Variants in PLCB4 observed in about 807,000 individuals in gnomAD.
PLCB4 encodes the protein phospholipase C beta 4.
In PLCB4, 77 loss-of-function variants were observed where a neutral mutation model predicts 178.8. The observed-to-expected ratio is 0.43, with a 90% confidence interval of 0.36 to 0.52. The LOEUF (loss-of-function observed/expected upper bound fraction) is 0.52, where lower values mean the gene tolerates loss of function less well. Among genes scored for constraint, PLCB4 ranks in the 20% least tolerant of loss-of-function variants. The pLI, the probability that PLCB4 is intolerant of heterozygous loss-of-function variation, is 0.00. For missense variants in PLCB4, 1,024 were observed against 1,453.4 expected (o/e 0.70, Z 4.80); for synonymous variants, 496 against 490.8 (o/e 1.01, Z -0.14).
At chr20:9,260,920 C>G (rs912922633) in intron 3 of PLCB4, among the ~76,000 whole-genome samples, 1 of 152,046 alleles carries the variant, frequency 6.6e-6, no homozygotes, top group Non-Finnish European at 1.5e-5. Context: ...AATATGTTTA[C>G]AAATGAAAAA....
chr20:9,442,975 C>T (rs915235144), intron 30 of PLCB4, among the ~76,000 whole-genome samples: 7 of 152,144 alleles, frequency 4.6e-5, no homozygotes, highest in Non-Finnish European at 7.4e-5. Flanking sequence ...TAATGGAAAT[C>T]AATTACAGCA....
intron 3 of PLCB4, among the ~76,000 whole-genome samples, chr20:9,252,474 T>C (rs1180064318): frequency 4.6e-5 from 7 of 151,942 alleles, no homozygotes; most frequent in Non-Finnish European, 8.8e-5. Context: ...CTTTAGAAAA[T>C]ACTGTTGCCT....
Position 9,395,582 on chromosome 20 carries a change from A to G in PLCB4, c.1474A>G (p.Ile492Val). 6 of 1,613,398 alleles carry G rather than the reference A, an allele frequency of 3.7e-6. No homozygotes were observed. The highest frequency in any genetic ancestry group is 5.1e-6 in the Non-Finnish European group (6 of 1,179,410). The change falls in exon 19 of 40, where the codon ATC (isoleucine) becomes GTC (valine). Residue 492 changes from isoleucine (I) to valine (V), a missense_variant. Physicochemically the swap from Ile to Val is conservative, Grantham distance 29. Coordinates refer to ENST00000378473, the MANE Select transcript of PLCB4 (RefSeq NM_001377142.1). ...TGGAGAATCTGCCTCCCCAGCAAAC[A>G]TCTTAGAGGACGATAATGAAGAGGA... is the stretch of plus-strand genomic sequence containing the variant. ...EAGESASPAN[I>V]LEDDNEEEIE...
chr20:9,412,322 G>A (rs1027342954), intron 25 of PLCB4, among the ~76,000 whole-genome samples: 2 of 152,138 alleles, frequency 1.3e-5, no homozygotes, highest in African/African-American at 4.8e-5. Context: ...TGGACTGTCA[G>A]TAAAAGCCCT....
At chr20:9,177,769 G>A (rs979704824) in intron 2 of PLCB4, among the ~76,000 whole-genome samples, 2 of 152,160 alleles carry the variant, frequency 1.3e-5, no homozygotes, top group African/African-American at 4.8e-5. Flanking sequence ...ACATGCAAGG[G>A]CTCAGCGATT....
chr20:9,175,461 A>G (rs974669046), intron 2 of PLCB4, among the ~76,000 whole-genome samples: 14 of 152,190 alleles, frequency 9.2e-5, no homozygotes, highest in African/African-American at 3.4e-4. Flanking sequence ...TTATTTCACC[A>G]TGGAAAGAAT....
At chr20:9,362,015 T>C (rs1190899246) in intron 7 of PLCB4, among the ~76,000 whole-genome samples, 1 of 152,222 alleles carries the variant, frequency 6.6e-6, no homozygotes, top group East Asian at 1.9e-4. Context: ...ATATTTTTCC[T>C]TCCTCAGCAC....
chr20:9,325,874 A>G (rs6056545), intron 4 of PLCB4, among the ~76,000 whole-genome samples: 2,535 of 152,240 alleles, frequency 0.017, 69 homozygotes, highest in African/African-American at 0.058. Context: ...AAAATACCAT[A>G]CACTCGGCAG....
At chr20:9,210,479 A>C (rs2093661720) in intron 2 of PLCB4, among the ~76,000 whole-genome samples, 1 of 152,112 alleles carries the variant, frequency 6.6e-6, no homozygotes, top group African/African-American at 2.4e-5. Flanking sequence ...AGGAGAACAT[A>C]GGTGACGGAG....
chr20:9,345,573 T>C (rs1025007522), intron 7 of PLCB4, among the ~76,000 whole-genome samples: 1 of 152,226 alleles, frequency 6.6e-6, no homozygotes, highest in Non-Finnish European at 1.5e-5. Flanking sequence ...AATAAATCTG[T>C]TATTCTATAC....
At chr20:9,450,688 T>C (rs916085769) in intron 32 of PLCB4, among the ~76,000 whole-genome samples, 2 of 130,398 alleles carry the variant, frequency 1.5e-5, no homozygotes, top group African/African-American at 5.8e-5. Context: ...TGAGATGGAG[T>C]CTTGCTCTGT....
chr20:9,309,149 C>T (rs111393575), intron 4 of PLCB4, among the ~76,000 whole-genome samples: 139 of 152,256 alleles, frequency 9.1e-4, no homozygotes, highest in African/African-American at 3.2e-3. Flanking sequence ...GAATGAAATA[C>T]AAGGCCTTCT....
chr20:9,438,818 G>A (rs2041938346), intron 30 of PLCB4, among the ~76,000 whole-genome samples: 1 of 152,082 alleles, frequency 6.6e-6, no homozygotes, highest in African/African-American at 2.4e-5. Flanking sequence ...GTAGAAACAT[G>A]GTTAAAAAAA....
intron 2 of PLCB4, among the ~76,000 whole-genome samples, chr20:9,123,676 C>T (rs927777643): frequency 6.6e-6 from 1 of 151,952 alleles, no homozygotes; most frequent in Non-Finnish European, 1.5e-5. Flanking sequence ...TCAGATCTTT[C>T]ACCCAAACTT....
At chr20:9,433,881 G>A (rs1410289496) in intron 28 of PLCB4, among the ~76,000 whole-genome samples, 1 of 152,170 alleles carries the variant, frequency 6.6e-6, no homozygotes, top group African/African-American at 2.4e-5. Flanking sequence ...CATGCCACTG[G>A]TGGGAGAATA....
chr20:9,260,614 C>T (rs2094287352), intron 3 of PLCB4, among the ~76,000 whole-genome samples: 1 of 151,942 alleles, frequency 6.6e-6, no homozygotes, highest in Non-Finnish European at 1.5e-5. Context: ...TTGATGTATA[C>T]ATTTACTTGA....
chr20:9,315,090 A>G (rs767183034), intron 4 of PLCB4, among the ~76,000 whole-genome samples: 9 of 152,146 alleles, frequency 5.9e-5, no homozygotes, highest in Non-Finnish European at 1.3e-4. Flanking sequence ...ATAAACAGAA[A>G]GTCTATTTAC....
chr20:9,312,233 C>T (rs1350444765), intron 4 of PLCB4, among the ~76,000 whole-genome samples: 2 of 151,948 alleles, frequency 1.3e-5, no homozygotes, highest in African/African-American at 4.8e-5. Context: ...GCTCGGGCTA[C>T]CCCTTCTTCT....
chr20:9,298,895 A>C (rs974141198), intron 3 of PLCB4, among the ~76,000 whole-genome samples: 1 of 152,056 alleles, frequency 6.6e-6, no homozygotes, highest in Non-Finnish European at 1.5e-5. Flanking sequence ...AATTGTTTTT[A>C]ATCATGTGAT....
Sources: gnomAD v4.1 joint callset for allele counts (sites outside exome capture counted in the v4.1 genomes callset) on GRCh38, gnomAD v4.1.1 for gene constraint, MANE v1.5 for transcripts, NCBI Gene and HGNC (gene_info 2026-07-23, HGNC 2026-07-21) for gene names.